The following MSI2 variants were observed in gnomAD, a reference collection of about 807,000 sequenced individuals.
MSI2 encodes the protein RNA-binding protein Musashi homolog 2.
A neutral mutation model predicts 45.6 loss-of-function variants in MSI2; 17 were observed. That is an observed-to-expected ratio of 0.37 (90% confidence interval 0.26 to 0.56). The LOEUF (loss-of-function observed/expected upper bound fraction) is 0.56, where lower values mean the gene tolerates loss of function less well. Among genes scored for constraint, MSI2 ranks in the 20% least tolerant of loss-of-function variants. MSI2 has a pLI of 0.77. For synonymous variants in MSI2, 156 were observed against 158.2 expected (o/e 0.99, Z 0.11); for missense variants, 293 against 444.2 (o/e 0.66, Z 3.06).
At chr17:57,536,274 G>A (rs897109147) in intron 7 of MSI2, among the ~76,000 whole-genome samples, 1 of 152,228 alleles carries the variant, frequency 6.6e-6, no homozygotes, top group East Asian at 1.9e-4. Flanking sequence ...GACTGTATAA[G>A]CTGTACATGT....
intron 5 of MSI2, among the ~76,000 whole-genome samples, chr17:57,364,049 C>T (rs2143918307): frequency 1.3e-5 from 2 of 152,350 alleles, no homozygotes; most frequent in Middle Eastern, 3.4e-3. Context: ...GGTCTAGAAG[C>T]AGCTCCCACC....
chr17:57,423,915 C>G (rs1196034246), intron 6 of MSI2, among the ~76,000 whole-genome samples: 1 of 152,150 alleles, frequency 6.6e-6, no homozygotes, highest in Non-Finnish European at 1.5e-5. Flanking sequence ...TTTTAATGTA[C>G]CCTATAAAAT....
chr17:57,269,396 T>G (rs538359896), intron 5 of MSI2, among the ~76,000 whole-genome samples: 1 of 152,328 alleles, frequency 6.6e-6, no homozygotes, highest in East Asian at 1.9e-4. Context: ...CTGGGGTCAC[T>G]GATAGGACCA....
chr17:57,650,722 A>G (rs1911075258), intron 10 of MSI2, among the ~76,000 whole-genome samples: 2 of 152,150 alleles, frequency 1.3e-5, no homozygotes, highest in South Asian at 2.1e-4. Flanking sequence ...TGACCTTTTT[A>G]GAGTAGCATG....
At chr17:57,380,410 CTTCTGA>C (rs2083579399) in intron 5 of MSI2, among the ~76,000 whole-genome samples, 1 of 152,164 alleles carries the variant, frequency 6.6e-6, no homozygotes, top group Non-Finnish European at 1.5e-5. Flanking sequence ...TAAGCGGCGG[CTTCTGA>C]GGCAGAGCCA....
At chr17:57,346,281 T>C (rs544068905) in intron 5 of MSI2, among the ~76,000 whole-genome samples, 2 of 150,366 alleles carry the variant, frequency 1.3e-5, no homozygotes, top group East Asian at 3.9e-4. Flanking sequence ...TTAAAAAGTT[T>C]AACAGCGAAG....
chr17:57,384,911 C>T (rs2144044463), intron 5 of MSI2, among the ~76,000 whole-genome samples: 1 of 152,326 alleles, frequency 6.6e-6, no homozygotes, highest in South Asian at 2.1e-4. Context: ...GCTGCTTCTG[C>T]ATCCCCTATC....
rs188447346 is a variant in MSI2, at chr17:57,398,262, G to A, written c.313-3117G>A. Among the ~76,000 whole-genome samples the A allele has an allele frequency of 3.9e-5, 6 of 152,242 alleles. No homozygotes were observed. The East Asian group carries it at 1.2e-3, about 29-fold the overall frequency. On this transcript the variant is annotated intron_variant, in intron 5 of 13. Coordinates refer to ENST00000284073, the MANE Select transcript of MSI2 (RefSeq NM_138962.4). ...ATATAGACAGGGCTGCTGTATACCC[G>A]CCCGACTCTAAACAGTGTATAAATG...
At chr17:57,294,501 G>A (rs1910754995) in intron 5 of MSI2, among the ~76,000 whole-genome samples, 1 of 152,196 alleles carries the variant, frequency 6.6e-6, no homozygotes, top group African/African-American at 2.4e-5. Flanking sequence ...TACCATGCAA[G>A]AATCAACTCC....
intron 10 of MSI2, among the ~76,000 whole-genome samples, chr17:57,644,221 T>G (rs867782248): frequency 4.8e-4 from 73 of 151,694 alleles, no homozygotes; most frequent in African/African-American, 1.6e-3. Flanking sequence ...GTTGTTTTTT[T>G]TTTTTTTTTT....
At chr17:57,285,029 A>G (rs1440753998) in intron 5 of MSI2, among the ~76,000 whole-genome samples, 4 of 151,148 alleles carry the variant, frequency 2.6e-5, no homozygotes, top group African/African-American at 9.8e-5. Context: ...TTGTAGGAGG[A>G]TAGGGGAGGT....
At chr17:57,353,191 C>T (rs970618729) in intron 5 of MSI2, among the ~76,000 whole-genome samples, 64 of 152,184 alleles carry the variant, frequency 4.2e-4, no homozygotes, top group Non-Finnish European at 1.3e-4. Context: ...TTTCTGGCAA[C>T]TCAAGTATAG....
intron 11 of MSI2, among the ~76,000 whole-genome samples, chr17:57,659,945 A>G (rs1285462540): frequency 6.6e-6 from 1 of 152,204 alleles, no homozygotes; most frequent in African/African-American, 2.4e-5. Flanking sequence ...TTATTGTTAT[A>G]TGTGGTAGGT....
intron 11 of MSI2, among the ~76,000 whole-genome samples, chr17:57,673,577 A>AT: frequency 6.6e-6 from 1 of 152,242 alleles, no homozygotes; most frequent in Non-Finnish European, 1.5e-5. Context: ...TCCTTTAACA[A>AT]TTAAAAAAAT....
intron 9 of MSI2, among the ~76,000 whole-genome samples, chr17:57,621,878 C>T (rs987142026): frequency 2.6e-5 from 4 of 152,140 alleles, no homozygotes; most frequent in Non-Finnish European, 5.9e-5. Context: ...ACCTTTGAGC[C>T]GGACAAAACC....
At chr17:57,688,258 G>T (rs1247479085), downstream of MSI2, among the ~76,000 whole-genome samples, 2 of 151,978 alleles carry the variant, frequency 1.3e-5, no homozygotes, top group Non-Finnish European at 2.9e-5. Context: ...AATTTTAAAA[G>T]ACTGCAGTAA....
At chr17:57,341,366 G>C (rs1915140598) in intron 5 of MSI2, among the ~76,000 whole-genome samples, 1 of 152,238 alleles carries the variant, frequency 6.6e-6, no homozygotes, top group Non-Finnish European at 1.5e-5. Flanking sequence ...CACGTATTTA[G>C]AAGATGGAAG....
chr17:57,514,251 T>C (rs1567870518), intron 6 of MSI2, among the ~76,000 whole-genome samples: 1 of 152,172 alleles, frequency 6.6e-6, no homozygotes, highest in Admixed American at 6.5e-5. Flanking sequence ...TTGTATGAGT[T>C]GTGCAAAATG....
chr17:57,654,400 C>T (rs1911432127), intron 11 of MSI2, among the ~76,000 whole-genome samples: 1 of 152,242 alleles, frequency 6.6e-6, no homozygotes, highest in Non-Finnish European at 1.5e-5. Context: ...TTAACGCATT[C>T]TGCCAGTAAG....
Sources: gnomAD v4.1 joint callset for allele counts (sites outside exome capture counted in the v4.1 genomes callset) on GRCh38, gnomAD v4.1.1 for gene constraint, MANE v1.5 for transcripts, NCBI Gene and HGNC (gene_info 2026-07-23, HGNC 2026-07-21) for gene names.